ATP2C1: variants seen among roughly 807,000 people sequenced by gnomAD.
The protein encoded by ATP2C1 is calcium-transporting ATPase type 2C member 1.
In ATP2C1, 31 loss-of-function variants were observed where a neutral mutation model predicts 120.5. The observed-to-expected ratio is 0.26, with a 90% confidence interval of 0.19 to 0.35. ATP2C1 has a LOEUF of 0.35. Among genes scored for constraint, ATP2C1 ranks in the 10% least tolerant of loss-of-function variants. The pLI, the probability that ATP2C1 is intolerant of heterozygous loss-of-function variation, is 1.00. For synonymous variants in ATP2C1, 351 were observed against 358.7 expected, an observed-to-expected ratio of 0.98 and a Z score of 0.24; for missense variants, 731 against 1,107.5, an observed-to-expected ratio of 0.66 and a Z score of 4.83.
chr3:130,869,958 C>A (rs888101675), intron 1 of ATP2C1, among the ~76,000 whole-genome samples: 4 of 152,158 alleles, frequency 2.6e-5, no homozygotes, highest in Non-Finnish European at 5.9e-5. Flanking sequence ...GGATAAAAAG[C>A]CACAGGCTGA....
chr3:130,935,035 G>GT (rs1472586679), intron 5 of ATP2C1, among the ~76,000 whole-genome samples: 1 of 151,986 alleles, frequency 6.6e-6, no homozygotes, highest in African/African-American at 2.4e-5. Context: ...GTCTTGTTAT[G>GT]TTGCCCAGGC....
chr3:130,962,825 A>G (rs1238948478), intron 12 of ATP2C1: 3 of 151,822 alleles, frequency 2.0e-5, no homozygotes, highest in Non-Finnish European at 4.4e-5. Flanking sequence ...ATGATAATAC[A>G]TATTTCTTGA....
chr3:130,878,112 G>A (rs983004004), intron 1 of ATP2C1, among the ~76,000 whole-genome samples: 2 of 133,264 alleles, frequency 1.5e-5, no homozygotes, highest in African/African-American at 5.7e-5. Context: ...CACAGAGTGG[G>A]GAACATCACA....
intron 1 of ATP2C1, among the ~76,000 whole-genome samples, chr3:130,886,362 G>A (rs926419091): frequency 1.2e-4 from 18 of 152,068 alleles, no homozygotes; most frequent in Admixed American, 4.6e-4. Flanking sequence ...TTTAGTACTT[G>A]AGTGTTGATA....
chr3:130,891,170 G>C (rs757507976), upstream of ATP2C1, among the ~76,000 whole-genome samples: 5 of 152,032 alleles, frequency 3.3e-5, no homozygotes, highest in Non-Finnish European at 7.4e-5. Context: ...TTAACCTCTG[G>C]TACTTTAAAC....
intron 1 of ATP2C1, among the ~76,000 whole-genome samples, chr3:130,865,743 C>T (rs2068155213): frequency 6.6e-6 from 1 of 152,172 alleles, no homozygotes. Flanking sequence ...CTTTCACTTC[C>T]CGCCATGTTT....
At chr3:130,905,337 A>T (rs1270250186) in intron 2 of ATP2C1, among the ~76,000 whole-genome samples, 1 of 152,044 alleles carries the variant, frequency 6.6e-6, no homozygotes, top group Non-Finnish European at 1.5e-5. Flanking sequence ...TTCTTCCACC[A>T]TAGGGTCCAT....
chr3:130,954,883 T>A lies in ATP2C1; in HGVS notation c.688-129T>A, dbSNP rs2060512532. 1.1e-5 allele frequency: 8 copies of A among 717,108 alleles called. No homozygotes were observed. The South Asian group carries it at 1.2e-4, about 11-fold the overall frequency. The allele number at this position is 717,108 out of a possible 1,614,324, so 44.4% of individuals were successfully genotyped here. A position where few individuals can be genotyped will look rare whatever the true frequency, so the allele number is the denominator to read the frequency against. ...TAAAAAAGTAAATTTGCTGAGGAAA[T>A]CTTAGGAGTGTGTATGTTAGACATC... On this transcript the variant is annotated intron_variant, in intron 9 of 27. Transcript: ENST00000510168.
intron 20 of ATP2C1, among the ~76,000 whole-genome samples, chr3:130,981,981 C>A (rs2061786015): frequency 6.6e-6 from 1 of 152,026 alleles, no homozygotes; most frequent in Non-Finnish European, 1.5e-5. Context: ...ATGTTTCTTT[C>A]CAGTTGGTAG....
intron 13 of ATP2C1, among the ~76,000 whole-genome samples, chr3:130,964,668 A>ATAT (rs1315801669): frequency 1.3e-5 from 2 of 152,084 alleles, no homozygotes; most frequent in African/African-American, 4.8e-5. Flanking sequence ...AAAAGATGTT[A>ATAT]TATAAGATCA....
At chr3:130,979,490 C>T in intron 19 of ATP2C1, 71 bp downstream of exon 19, 1 of 1,447,120 alleles carries the variant, frequency 6.9e-7, no homozygotes, top group Non-Finnish European at 9.7e-7. Flanking sequence ...ATTTTGTGAA[C>T]TATTAGTTAT....
At chr3:130,912,757 A>G (rs1428374164) in intron 2 of ATP2C1, among the ~76,000 whole-genome samples, 1 of 149,816 alleles carries the variant, frequency 6.7e-6, no homozygotes, top group Non-Finnish European at 1.5e-5. Context: ...TACTGGGTAT[A>G]TACCCAAATG....
intron 1 of ATP2C1, among the ~76,000 whole-genome samples, chr3:130,884,973 G>A (rs1298564936): frequency 2.3e-5 from 3 of 131,760 alleles, no homozygotes; most frequent in Admixed American, 8.7e-5. Flanking sequence ...TGCTCTTGTC[G>A]CCCAGGCTGG....
chr3:130,893,877 A>G, upstream of ATP2C1: 3 of 975,366 alleles, frequency 3.1e-6, no homozygotes, highest in Non-Finnish European at 3.7e-6. Flanking sequence ...ACGGATCCAA[A>G]CCCAAACATT....
rs1229305916 is a variant in ATP2C1, at chr3:131,002,598, T to A, written c.*1248T>A. 6 of 985,426 alleles carry A rather than the reference T, an allele frequency of 6.1e-6. No homozygotes were observed. The highest frequency in any genetic ancestry group is 7.2e-6 in the Non-Finnish European group (6 of 829,916). The allele number at this position is 985,426 out of a possible 1,614,324, so 61.0% of individuals were successfully genotyped here. On this transcript the variant is annotated 3_prime_UTR_variant, in exon 28 of 28. Coordinates refer to ENST00000510168, the MANE Select transcript of ATP2C1 (RefSeq NM_001378687.1). Reference sequence around the variant, plus strand: ...TGAGGTATAGGTCATTTGTTTTGAGTATGTGGGCCAGAAATTTAAAATTAG... The same window carrying A: ...TGAGGTATAGGTCATTTGTTTTGAGAATGTGGGCCAGAAATTTAAAATTAG...
At chr3:130,955,995 T>C (rs1456577648) in intron 10 of ATP2C1, 109 bp from the exon 11 acceptor site, 19 of 762,024 alleles carry the variant, frequency 2.5e-5, no homozygotes, top group Middle Eastern at 2.3e-4. Context: ...GGGAGAGTTG[T>C]ATGGTTAACT....
intron 26 of ATP2C1, chr3:131,015,288 C>T (rs1315916547): frequency 1.4e-6 from 1 of 690,936 alleles, no homozygotes; most frequent in Non-Finnish European, 2.6e-6. Context: ...ACAAGCCCCT[C>T]CCCCCACAGA....
At chr3:130,913,332 G>T (rs2058531971) in intron 2 of ATP2C1, among the ~76,000 whole-genome samples, 1 of 152,048 alleles carries the variant, frequency 6.6e-6, no homozygotes, top group South Asian at 2.1e-4. Flanking sequence ...TTGAGTTAAT[G>T]TCATCTTGGA....
At chr3:131,014,467 C>G in intron 26 of ATP2C1, 1 of 1,317,620 alleles carries the variant, frequency 7.6e-7, no homozygotes, top group Non-Finnish European at 1.0e-6. Context: ...ATAGCTTCAA[C>G]AAATGCATCT....
Sources: gnomAD v4.1 joint callset for allele counts (sites outside exome capture counted in the v4.1 genomes callset) on GRCh38, gnomAD v4.1.1 for gene constraint, MANE v1.5 for transcripts, NCBI Gene and HGNC (gene_info 2026-07-23, HGNC 2026-07-21) for gene names.